Variants in SCAPER observed in about 807,000 individuals in gnomAD.
SCAPER encodes the protein S-phase cyclin A associated protein in the ER.
A neutral mutation model predicts 182.2 loss-of-function variants in SCAPER; 98 were observed. That is an observed-to-expected ratio of 0.54 (90% CI 0.46 to 0.64). SCAPER has a LOEUF of 0.64. Among genes scored for constraint, SCAPER ranks in the 30% least tolerant of loss-of-function variants. The pLI, the probability that SCAPER is intolerant of heterozygous loss-of-function variation, is 0.00. For missense variants in SCAPER, 1,432 were observed against 1,690.0 expected, an observed-to-expected ratio of 0.85 and a Z score of 2.68; for synonymous variants, 605 against 564.6, an observed-to-expected ratio of 1.07 and a Z score of -1.01.
chr15:76,389,409 G>A (rs1309396564), intron 27 of SCAPER, among the ~76,000 whole-genome samples: 8 of 150,012 alleles, frequency 5.3e-5, no homozygotes, highest in African/African-American at 1.2e-4. Flanking sequence ...GCTGAGGCAG[G>A]AGAATGTTTT....
rs552554447 is a variant in SCAPER at position 76,803,501 on chromosome 15, A to T, written c.494+1032T>A. Among the ~76,000 whole-genome samples, 7 of 152,340 alleles carry T rather than the reference A, an allele frequency of 4.6e-5. No individual in the cohort carries two copies. The East Asian group carries it at 1.3e-3, about 29-fold the overall frequency. The stretch of plus-strand genomic sequence containing the variant: ...AGTCTTTCCTGTTAGAAATGCACTT[A>T]GTCCATTCAGGCTGCTACAACAAAA... On this transcript the variant is annotated intron_variant, in intron 6 of 31. Transcript: ENST00000563290.
intron 25 of SCAPER, among the ~76,000 whole-genome samples, chr15:76,454,325 GA>G (rs1484644857): frequency 6.6e-6 from 1 of 152,086 alleles, no homozygotes; most frequent in Non-Finnish European, 1.5e-5. Flanking sequence ...CCGCTTGTTT[GA>G]GCTATCCACT....
At chr15:76,579,308 T>C (rs920558396) in intron 22 of SCAPER, among the ~76,000 whole-genome samples, 1 of 138,176 alleles carries the variant, frequency 7.2e-6, no homozygotes, top group African/African-American at 2.6e-5. Flanking sequence ...ACAACAACAA[T>C]GTTTTAAGAC....
chr15:76,490,618 G>C (rs146143984), intron 24 of SCAPER, among the ~76,000 whole-genome samples: 22 of 152,054 alleles, frequency 1.4e-4, no homozygotes, highest in Non-Finnish European at 2.9e-4. Context: ...TGTTTCCTTT[G>C]ATGTGACAAA....
intron 10 of SCAPER, 65 bp downstream of exon 10, chr15:76,771,677 G>A (rs775175257): frequency 8.5e-7 from 1 of 1,179,416 alleles, no homozygotes; most frequent in South Asian, 1.3e-5. Context: ...TATTATTGGG[G>A]TTTATGCTTC....
chr15:76,666,009 T>C (rs746602964), intron 20 of SCAPER, among the ~76,000 whole-genome samples: 6 of 152,192 alleles, frequency 3.9e-5, no homozygotes, highest in East Asian at 1.9e-4. Flanking sequence ...ATTGTGCCAA[T>C]GCTAAGGCTA....
intron 5 of SCAPER, among the ~76,000 whole-genome samples, chr15:76,812,869 A>C (rs541985877): frequency 3.1e-4 from 47 of 151,048 alleles, no homozygotes; most frequent in Admixed American, 5.4e-4. Flanking sequence ...ATTCAAAAAA[A>C]TTAGTATAAA....
intron 26 of SCAPER, among the ~76,000 whole-genome samples, chr15:76,414,388 A>G (rs2045508463): frequency 6.6e-6 from 1 of 152,016 alleles, no homozygotes; most frequent in South Asian, 2.1e-4. Flanking sequence ...AAAAAGTGCA[A>G]TGAGAACTAC....
chr15:76,408,108 A>T (rs1482008854), intron 26 of SCAPER, among the ~76,000 whole-genome samples: 1 of 152,226 alleles, frequency 6.6e-6, no homozygotes, highest in Non-Finnish European at 1.5e-5. Context: ...TTTTAAAATT[A>T]GAATCCAAAC....
intron 22 of SCAPER, among the ~76,000 whole-genome samples, chr15:76,603,884 T>C (rs1432995958): frequency 1.6e-5 from 2 of 122,132 alleles, no homozygotes; most frequent in African/African-American, 5.0e-5. Flanking sequence ...GGTTGTTTTT[T>C]TTCTTGTAAA....
At chr15:76,746,657 G>A (rs2061807441) in intron 15 of SCAPER, among the ~76,000 whole-genome samples, 1 of 152,186 alleles carries the variant, frequency 6.6e-6, no homozygotes, top group Non-Finnish European at 1.5e-5. Flanking sequence ...TAAAACTAAT[G>A]AAGGAGTTCA....
At position 76,770,356 on chromosome 15, in the gene SCAPER, T is replaced by A. The variant is rs561299258; in HGVS notation, c.1248+1386A>T. Among the ~76,000 whole-genome samples the A allele has an allele frequency of 2.0e-3, 294 of 147,688 alleles. No homozygotes were observed. In the Middle Eastern group the frequency reaches 0.024, roughly 12 times the overall value. On this transcript the variant is annotated intron_variant, in intron 10 of 31. Coordinates refer to ENST00000563290, the MANE Select transcript of SCAPER (RefSeq NM_020843.4). ...TACCCTAGAATTTAAAGTATAATTT[T>A]AAAAAAAAAAGAAAGAAAAGAAAAA...
intron 8 of SCAPER, among the ~76,000 whole-genome samples, chr15:76,775,923 AT>A (rs2063719593): frequency 6.6e-6 from 1 of 152,212 alleles, no homozygotes; most frequent in Non-Finnish European, 1.5e-5. Context: ...TATAGCCCCA[AT>A]TGTAAATTTT....
intron 25 of SCAPER, among the ~76,000 whole-genome samples, chr15:76,442,917 A>C (rs1359954099): frequency 6.6e-6 from 1 of 152,200 alleles, no homozygotes; most frequent in Non-Finnish European, 1.5e-5. Flanking sequence ...AAGTAATCTC[A>C]TCTATCTGGA....
chr15:76,784,005 C>A (rs1351590625), intron 8 of SCAPER, among the ~76,000 whole-genome samples: 2 of 152,128 alleles, frequency 1.3e-5, no homozygotes, highest in African/African-American at 4.8e-5. Context: ...CACCACTCCT[C>A]TTCAACACAG....
At chr15:76,481,183 T>G (rs1389271891) in intron 24 of SCAPER, among the ~76,000 whole-genome samples, 1 of 152,200 alleles carries the variant, frequency 6.6e-6, no homozygotes, top group East Asian at 1.9e-4. Context: ...TCTAAAAGTT[T>G]TGAAGTGTAT....
At chr15:76,853,444 C>G (rs2070990842) in intron 4 of SCAPER, among the ~76,000 whole-genome samples, 1 of 151,962 alleles carries the variant, frequency 6.6e-6, no homozygotes, top group Admixed American at 6.6e-5. Context: ...TACATGCAAA[C>G]CAAATTCAGC....
At position 76,354,842 on chromosome 15, in the gene SCAPER, C is replaced by CAGGGGG. The variant is rs2040846914; in HGVS notation, c.3856-703_3856-702insCCCCCT. Among the ~76,000 whole-genome samples the CAGGGGG allele has an allele frequency of 6.6e-6, 1 of 152,178 alleles. No individual in the cohort carries two copies. Among genetic ancestry groups the CAGGGGG allele is most frequent in the Non-Finnish European group, 1.5e-5 (1 of 68,034 alleles). On this transcript the variant is annotated intron_variant, in intron 29 of 31. Transcript: ENST00000563290. The surrounding 1 kb of genome is among the most constrained non-coding windows in gnomAD (Gnocchi z 4.4). ...TAGGGCAATGCAACGAATGGGCTTG[C>CAGGGGG]AGGGAAGCCCTCTTAATTTACTCCC...
chr15:76,858,751 C>T (rs1267866187), intron 3 of SCAPER, among the ~76,000 whole-genome samples: 1 of 152,186 alleles, frequency 6.6e-6, no homozygotes, highest in Non-Finnish European at 1.5e-5. Flanking sequence ...CATTAGTTCA[C>T]TTAGGATAAT....
Sources: allele counts gnomAD v4.1 joint callset (sites outside exome capture counted in the v4.1 genomes callset), GRCh38; gene constraint gnomAD v4.1.1; non-coding constraint Gnocchi (gnomAD v3.1); transcripts MANE v1.5; gene names NCBI Gene and HGNC (gene_info 2026-07-23, HGNC 2026-07-21).